KLHL12: variants seen among roughly 807,000 people sequenced by gnomAD.
KLHL12 encodes kelch-like protein 12.
A neutral mutation model predicts 60.8 loss-of-function variants in KLHL12; 17 were observed. The ratio of observed to expected loss-of-function variants is 0.28; its 90% CI spans 0.19 to 0.42. KLHL12 has a LOEUF of 0.42. KLHL12 is among the 10% of genes least tolerant of loss of function. The pLI is 1.00. For missense variants in KLHL12, 468 were observed against 722.3 expected (o/e 0.65, Z 4.04); for synonymous variants, 220 against 250.9 (o/e 0.88, Z 1.16).
At chr1:202,923,850 T>C (rs767599252) in intron 2 of KLHL12, among the ~76,000 whole-genome samples, 4 of 116,438 alleles carry the variant, frequency 3.4e-5, no homozygotes, top group East Asian at 2.5e-4. Flanking sequence ...ACTAAGATGA[T>C]AGAACTAACT....
At chr1:202,907,787 G>A (rs534064181) in intron 6 of KLHL12, among the ~76,000 whole-genome samples, 10 of 150,856 alleles carry the variant, frequency 6.6e-5, no homozygotes, top group East Asian at 3.9e-4. Context: ...ACGTGCCTGC[G>A]GTCCCAGCTA....
intron 1 of KLHL12, among the ~76,000 whole-genome samples, chr1:202,926,597 G>A (rs554541275): frequency 6.6e-6 from 1 of 152,268 alleles, no homozygotes; most frequent in Admixed American, 6.5e-5. Flanking sequence ...ACAGCCCGGG[G>A]GGTCTTTTAT....
At chr1:202,927,269 C>G (rs1426510185), upstream of KLHL12, 1 of 978,744 alleles carries the variant, frequency 1.0e-6, no homozygotes, top group Non-Finnish European at 1.2e-6. Flanking sequence ...TGACGCAATG[C>G]AGCTGGAGCA....
Position 202,894,296 on chromosome 1 carries a change from A to T in KLHL12, c.1295-14T>A. On this transcript the variant is annotated splice_polypyrimidine_tract_variant and intron_variant, in intron 9 of 11. Transcript: ENST00000367261. The stretch of plus-strand genomic sequence containing the variant: ...CGTCATATCCTCCTGGAAGACAGAG[A>T]CCATTCCAGAAAGAGTGGTAAATCC... 6.6e-7 allele frequency: 1 copy of T among 1,508,044 alleles called. No individual in the cohort carries two copies. The highest frequency in any genetic ancestry group is 9.0e-7 in the Non-Finnish European group (1 of 1,106,452). The allele number at this position is 1,508,044 out of a possible 1,614,324, so 93.4% of individuals were successfully genotyped here. A position where few individuals can be genotyped will look rare whatever the true frequency, so the allele number is the denominator to read the frequency against.
At chr1:202,892,798 T>C (rs1406054313) in intron 11 of KLHL12, 139 bp from the exon 12 acceptor site, 25 of 746,622 alleles carry the variant, frequency 3.3e-5, no homozygotes, top group Middle Eastern at 3.8e-4. Context: ...CTGGGCAACA[T>C]GGTGAGACCC....
In KLHL12 at chr1:202,927,149, C is replaced by G. The variant is rs373418244; in HGVS notation, c.-106G>C. On this transcript the variant is annotated 5_prime_UTR_variant, in exon 1 of 12. Coordinates refer to ENST00000367261, the MANE Select transcript of KLHL12 (RefSeq NM_021633.4). ...GTCCCCAGCCTGTGGGGATGGAGTGCGGCGCGGGGCTAGCAGGCGGCTCGG... is the reference window on the plus strand; with the variant it reads ...GTCCCCAGCCTGTGGGGATGGAGTGGGGCGCGGGGCTAGCAGGCGGCTCGG... The G allele has an allele frequency of 2.0e-6, 2 of 985,348 alleles. No homozygotes were observed. The highest frequency in any genetic ancestry group is 2.4e-6 in the Non-Finnish European group (2 of 829,944). The allele number at this position is 985,348 out of a possible 1,614,324, so 61.0% of individuals were successfully genotyped here.
chr1:202,926,067 T>C (rs897774726), intron 1 of KLHL12, among the ~76,000 whole-genome samples: 4 of 143,988 alleles, frequency 2.8e-5, no homozygotes, highest in Non-Finnish European at 6.0e-5. Flanking sequence ...ATCACACCAC[T>C]GCACTCCAGC....
chr1:202,918,852 A>G (rs1660601572), intron 3 of KLHL12, among the ~76,000 whole-genome samples: 1 of 152,248 alleles, frequency 6.6e-6, no homozygotes, highest in South Asian at 2.1e-4. Flanking sequence ...TGTTATGGCT[A>G]TGCACTAATG....
chr1:202,913,582 C>G (rs1660430032), intron 4 of KLHL12, among the ~76,000 whole-genome samples: 1 of 152,098 alleles, frequency 6.6e-6, no homozygotes, highest in South Asian at 2.1e-4. Flanking sequence ...ACTGCTAAAT[C>G]AGAAAAATGA....
chr1:202,911,062 C>T lies in KLHL12; in HGVS notation c.709G>A (p.Asp237Asn). 6.2e-7 allele frequency: 1 copy of T among 1,614,092 alleles called. No homozygotes were observed. The highest frequency in any genetic ancestry group is 8.5e-7 in the Non-Finnish European group (1 of 1,179,984). The stretch of plus-strand genomic sequence containing the variant: ...AGTGTTGCACTACTTACCTCAGCAT[C>T]TATTACATCTGTGATATACCTGGGG... ...LTPRYITDVI[D>N]AEPFIRCSLQ... is the part of the protein sequence containing the mutation. The change falls in exon 5 of 12, where the codon GAT (aspartate) becomes AAT (asparagine). Residue 237 changes from aspartate to asparagine, a missense_variant. By Grantham distance (23) the Asp-to-Asn change is conservative. Around this residue, in one of 4 missense-constraint regions of KLHL12, gnomAD observed 339 missense variants for 525.0 expected, o/e 0.65. Coordinates refer to ENST00000367261, the MANE Select transcript of KLHL12 (RefSeq NM_021633.4).
rs1320389498 is a variant in KLHL12, at chr1:202,925,348, C to T, written c.-45-141G>A. On this transcript the variant is annotated intron_variant, in intron 1 of 11. Transcript: ENST00000367261. ...AAGTTGAGGGCACTCCTATGCCTGG[C>T]ATCACCACCAACCACTAGCCACTAT... is the stretch of plus-strand genomic sequence containing the variant. 17 of 874,790 alleles carry T rather than the reference C, an allele frequency of 1.9e-5. No homozygotes were observed. The East Asian group carries it at 5.1e-4, about 26-fold the overall frequency. The allele number at this position is 874,790 out of a possible 1,614,324, so 54.2% of individuals were successfully genotyped here.
Position 202,894,236 on chromosome 1 carries a change from G to T in KLHL12, c.1341C>A (p.Asp447Glu), listed in dbSNP as rs1659762496. ...CATTAGTCCAATGTCCTGTATGAGG[G>T]TCGTATTTCTCAACTGAATTTAAGA... Reference protein sequence around the residue: ...LNILNSVEKYDPHTGHWTNVT... With the variant: ...LNILNSVEKYEPHTGHWTNVT... The change falls in exon 10 of 12, where the codon GAC (aspartate) becomes GAA (glutamate). Residue 447 changes from aspartate to glutamate, a missense_variant. Asp to Glu is a conservative substitution (Grantham distance 45). Around this residue, in one of 4 missense-constraint regions of KLHL12, gnomAD observed 339 missense variants for 525.0 expected, o/e 0.65. Coordinates refer to ENST00000367261, the MANE Select transcript of KLHL12 (RefSeq NM_021633.4). The T allele has an allele frequency of 1.3e-6, 2 of 1,558,224 alleles. No homozygotes were observed. The highest frequency in any genetic ancestry group is 8.7e-7 in the Non-Finnish European group (1 of 1,149,754).
intron 4 of KLHL12, among the ~76,000 whole-genome samples, chr1:202,913,541 A>G (rs1031574752): frequency 6.6e-6 from 1 of 152,240 alleles, no homozygotes; most frequent in African/African-American, 2.4e-5. Flanking sequence ...AACAAATCAG[A>G]TATGATCCTT....
intron 9 of KLHL12, 54 bp downstream of exon 9, chr1:202,894,537 C>T: frequency 3.2e-6 from 5 of 1,574,626 alleles, no homozygotes; most frequent in Non-Finnish European, 4.4e-6. Context: ...AATCCTTACC[C>T]ACAGCCCATT....
At position 202,891,383 on chromosome 1, in the gene KLHL12, C is replaced by G. The variant is rs1253086917; in HGVS notation, c.*1150G>C. The G allele has an allele frequency of 6.6e-6, 1 of 152,556 alleles. No homozygotes were observed. Among genetic ancestry groups the G allele is most frequent in the Non-Finnish European group, 1.5e-5 (1 of 68,018 alleles). The allele number at this position is 152,556 out of a possible 1,614,324, so 9.5% of individuals were successfully genotyped here. A position where few individuals can be genotyped will look rare whatever the true frequency, so the allele number is the denominator to read the frequency against. ...TTTGGTTGTCCTTGATTATTCTGTC[C>G]TGTGATGAATAAAATCTACACTAAA... On this transcript the variant is annotated 3_prime_UTR_variant, in exon 12 of 12. Transcript: ENST00000367261.
In KLHL12 at chr1:202,895,670, G is replaced by A; in HGVS notation, c.987C>T (p.Asp329=). 2 of 1,614,188 alleles carry A rather than the reference G, an allele frequency of 1.2e-6. No homozygotes were observed. Residue 329 remains aspartate (D), a synonymous_variant, in exon 8 of 12, where the codon GAC becomes GAT. Transcript: ENST00000367261. This position sits in a 1 kb window ranked among gnomAD's most constrained non-coding sequence, Gnocchi z 4.2. The part of the protein sequence containing the change: ...RRYVASVSLH[D]RIYVIGGYDG... ...CATAGCCACCAATGACGTAGATCCGGTCATGAAGGGACACTGAGGCCACAT... is the reference window on the plus strand; with the variant it reads ...CATAGCCACCAATGACGTAGATCCGATCATGAAGGGACACTGAGGCCACAT...
chr1:202,894,596 C>G lies in KLHL12; in HGVS notation c.1289G>C (p.Cys430Ser), dbSNP rs143989383. The G allele has an allele frequency of 2.2e-5, 36 of 1,614,154 alleles. No homozygotes were observed. The highest frequency in any genetic ancestry group is 1.6e-4 in the Middle Eastern group (1 of 6,062). The change falls in exon 9 of 12, where the codon TGT becomes TCT. Residue 430 changes from cysteine to serine, a missense_variant. This residue lies in a region of KLHL12 where 339 missense variants were observed against 525.0 expected (regional missense o/e 0.65). Transcript: ENST00000367261. Reference protein sequence around the residue: ...GLVVASGVIYCLGGYDGLNIL... With the variant: ...GLVVASGVIYSLGGYDGLNIL... ...CTGCATCCCAGACTCAATACCTAGA[C>G]AGTAGATCACTCCACTGGCCACTAC...
At chr1:202,894,496 G>C in intron 9 of KLHL12, 95 bp downstream of exon 9, 1 of 1,256,676 alleles carries the variant, frequency 8.0e-7, no homozygotes, top group South Asian at 1.3e-5. Context: ...TAGTTGAAGG[G>C]AAGTCTATGA....
At chr1:202,912,394 G>C (rs1177768773) in intron 4 of KLHL12, 1 of 807,552 alleles carries the variant, frequency 1.2e-6, no homozygotes, top group South Asian at 1.3e-5. Flanking sequence ...TCCAGCCAAA[G>C]AAGTCGAAGT....
Sources: gnomAD v4.1 joint callset for allele counts (sites outside exome capture counted in the v4.1 genomes callset) on GRCh38, gnomAD v4.1.1 for gene constraint, gnomAD v4.1.1 regional missense constraint, Gnocchi (gnomAD v3.1) non-coding constraint, MANE v1.5 for transcripts, NCBI Gene and HGNC (gene_info 2026-07-23, HGNC 2026-07-21) for gene names.